CYP19A1: variants seen among roughly 807,000 people sequenced by gnomAD.
CYP19A1 encodes aromatase.
CYP19A1 carries 32 observed loss-of-function variants against 44.4 expected under a neutral mutation model. The observed-to-expected ratio is 0.72, with a 90% confidence interval of 0.54 to 0.97. The LOEUF is 0.97. Ranked by LOEUF, CYP19A1 falls within the 50% of genes least tolerant of loss-of-function variation. The probability of loss-of-function intolerance (pLI) is 0.00; values close to 1 mark genes in which losing one functional copy is unlikely to be tolerated. For missense variants in CYP19A1, 598 were observed against 637.8 expected (o/e 0.94, Z 0.67); for synonymous variants, 212 against 215.6 (o/e 0.98, Z 0.14).
At chr15:51,328,447 C>T (rs1462727890) in intron 1 of CYP19A1, among the ~76,000 whole-genome samples, 11 of 152,226 alleles carry the variant, frequency 7.2e-5, no homozygotes, top group Admixed American at 5.2e-4. Context: ...CATTCACCGT[C>T]GTAACAAACT....
chr15:51,252,921 C>A (rs538061395), intron 1 of CYP19A1, among the ~76,000 whole-genome samples: 1 of 152,144 alleles, frequency 6.6e-6, no homozygotes, highest in Admixed American at 6.5e-5. Flanking sequence ...AGTGACTACC[C>A]TAGGAAGGTC....
At chr15:51,308,840 T>G (rs2036260130) in intron 1 of CYP19A1, among the ~76,000 whole-genome samples, 1 of 152,120 alleles carries the variant, frequency 6.6e-6, no homozygotes, top group Non-Finnish European at 1.5e-5. Context: ...GCCTGCTGGA[T>G]TGCTGTAAGG....
At chr15:51,220,478 A>AATT (rs746645165) in intron 5 of CYP19A1, among the ~76,000 whole-genome samples, 125 of 152,318 alleles carry the variant, frequency 8.2e-4, no homozygotes, top group Non-Finnish European at 1.5e-3. Flanking sequence ...GCAATCAATA[A>AATT]ATGTTTGATG....
intron 1 of CYP19A1, among the ~76,000 whole-genome samples, chr15:51,328,963 TG>T (rs1455646952): frequency 6.6e-6 from 1 of 152,220 alleles, no homozygotes; most frequent in Non-Finnish European, 1.5e-5. Context: ...TGGCTCTTCC[TG>T]GGTTGTGAGC....
chr15:51,291,754 C>T lies in CYP19A1; in HGVS notation c.-39+46741G>A, dbSNP rs1011080764. 7.2e-5 allele frequency among the ~76,000 whole-genome samples: 11 copies of T among 152,138 alleles called. No individual in the cohort carries two copies. The South Asian group carries it at 2.3e-3, about 32-fold the overall frequency. On this transcript the variant is annotated intron_variant, in intron 1 of 9. Transcript: ENST00000396402. The stretch of plus-strand genomic sequence containing the variant: ...AAACCCCACGAGTAGGTCAAATCTC[C>T]AACACAGAAGATAATCAGGGAAAAA...
At chr15:51,230,637 G>A (rs1335538080) in intron 3 of CYP19A1, among the ~76,000 whole-genome samples, 1 of 43,570 alleles carries the variant, frequency 2.3e-5, no homozygotes, top group Admixed American at 2.2e-4. Context: ...TTTTTTTTTT[G>A]AGACAGAGTC....
intron 1 of CYP19A1, among the ~76,000 whole-genome samples, chr15:51,313,603 C>A (rs927339307): frequency 6.6e-6 from 1 of 152,158 alleles, no homozygotes; most frequent in African/African-American, 2.4e-5. Context: ...TCAAGACCAG[C>A]CTGGCCAACA....
intron 1 of CYP19A1, among the ~76,000 whole-genome samples, chr15:51,244,517 T>C (rs2033962348): frequency 6.6e-6 from 1 of 152,200 alleles, no homozygotes; most frequent in Non-Finnish European, 1.5e-5. Context: ...CTTGTGTCTG[T>C]TATCATCTGG....
intron 6 of CYP19A1, among the ~76,000 whole-genome samples, chr15:51,216,985 C>G (rs1011330713): frequency 6.6e-6 from 1 of 152,138 alleles, no homozygotes; most frequent in African/African-American, 2.4e-5. Context: ...TTCTGTATTA[C>G]GTTAAATGTA....
In CYP19A1 at chr15:51,242,998, TCATCTATAGCTC is replaced by T. The variant is rs1347177590; in HGVS notation, c.-38-60_-38-49del. ...AAAATTACAGAATCCCCTAAAAGGT[TCATCTATAGCTC>T]CTGTTGCTTCAGAGGGTGCTGTACA... is the stretch of plus-strand genomic sequence containing the variant. On this transcript the variant is annotated intron_variant, in intron 1 of 9. Transcript: ENST00000396402. 18 of 921,936 alleles carry T rather than the reference TCATCTATAGCTC, an allele frequency of 2.0e-5. No individual in the cohort carries two copies. In the East Asian group the frequency reaches 4.3e-4, roughly 22 times the overall value. 57.1% of individuals were successfully genotyped at this position (921,936 alleles called of 1,614,324 possible).
chr15:51,223,765 T>C (rs2032339352), intron 4 of CYP19A1, among the ~76,000 whole-genome samples: 1 of 152,132 alleles, frequency 6.6e-6, no homozygotes, highest in African/African-American at 2.4e-5. Context: ...GGAGCAGGCT[T>C]TCTGACCATA....
intron 1 of CYP19A1, among the ~76,000 whole-genome samples, chr15:51,326,550 C>T (rs538273843): frequency 3.9e-5 from 6 of 152,118 alleles, no homozygotes; most frequent in Non-Finnish European, 7.4e-5. Flanking sequence ...TCAGATTTGT[C>T]CAAAATCATG....
At chr15:51,217,188 C>T (rs758145199) in intron 6 of CYP19A1, among the ~76,000 whole-genome samples, 6 of 152,164 alleles carry the variant, frequency 3.9e-5, no homozygotes, top group Non-Finnish European at 8.8e-5. Context: ...GGGCACTAGC[C>T]CCAAATGGTC....
In CYP19A1 at chr15:51,212,424, G is replaced by C. The variant is rs201984284; in HGVS notation, c.1159C>G (p.Pro387Ala). 9.0e-5 allele frequency: 145 copies of C among 1,606,760 alleles called. No individual in the cohort carries two copies. The highest frequency in any genetic ancestry group is 8.4e-5 in the Non-Finnish European group (98 of 1,173,446). ...ATAATGTTTGTCCCCTTTTTCACTG[G>C]GTAGCCATCGATTACATCATCTTCT... The part of the protein sequence containing the change: ...ALEDDVIDGY[P>A]VKKGTNIILN... The change falls in exon 9 of 10, where the codon CCA becomes GCA. Residue 387 changes from proline to alanine, a missense_variant. Coordinates refer to ENST00000396402, the MANE Select transcript of CYP19A1 (RefSeq NM_000103.4).
chr15:51,212,475 C>A lies in CYP19A1; in HGVS notation c.1108G>T (p.Val370Leu). The A allele has an allele frequency of 6.2e-7, 1 of 1,606,708 alleles. No individual in the cohort carries two copies. Among genetic ancestry groups the A allele is most frequent in the Non-Finnish European group, 8.5e-7 (1 of 1,173,286 alleles). Residue 370 changes from valine to leucine, a missense_variant, in exon 9 of 10, where the codon GTG becomes TTG. Val to Leu is a conservative substitution (Grantham distance 32). Transcript: ENST00000396402. ...AAGGCTTTGCGCATGACCAAGTCCA[C>A]GACAGGCTGGTACCGCATGCTCTCA... is the stretch of plus-strand genomic sequence containing the variant. ...IYESMRYQPV[V>L]DLVMRKALED...
At chr15:51,329,533 G>A (rs1233578521) in intron 1 of CYP19A1, among the ~76,000 whole-genome samples, 1 of 152,136 alleles carries the variant, frequency 6.6e-6, no homozygotes, top group Non-Finnish European at 1.5e-5. Flanking sequence ...ACTGATGGAG[G>A]GAAATTTTAC....
chr15:51,307,791 C>T (rs2036241536), intron 1 of CYP19A1, among the ~76,000 whole-genome samples: 1 of 152,226 alleles, frequency 6.6e-6, no homozygotes, highest in African/African-American at 2.4e-5. Context: ...TTTTCCCCCA[C>T]CCAACCACTT....
intron 1 of CYP19A1, among the ~76,000 whole-genome samples, chr15:51,321,395 A>G (rs963810542): frequency 9.2e-5 from 14 of 151,482 alleles, no homozygotes; most frequent in Non-Finnish European, 1.6e-4. Flanking sequence ...CCACAATCCA[A>G]TTTCCCTCAT....
chr15:51,329,309 C>A (rs1268018968), intron 1 of CYP19A1, among the ~76,000 whole-genome samples: 1 of 152,122 alleles, frequency 6.6e-6, no homozygotes, highest in East Asian at 1.9e-4. Flanking sequence ...TAGGGCCCCA[C>A]TCCAGACTCA....
Sources: allele counts gnomAD v4.1 joint callset (sites outside exome capture counted in the v4.1 genomes callset), GRCh38; gene constraint gnomAD v4.1.1; transcripts MANE v1.5; gene names NCBI Gene and HGNC (gene_info 2026-07-23, HGNC 2026-07-21).